The following PGLS variants were observed in gnomAD, a reference collection of about 807,000 sequenced individuals.
PGLS encodes epididymis secretory protein Li 304.
Under a neutral mutation model 23.2 loss-of-function variants are expected in PGLS, and 21 were observed. The ratio of observed to expected loss-of-function variants is 0.91; its 90% CI spans 0.64 to 1.31. The LOEUF is 1.31. Among genes scored for constraint, PGLS ranks in the 50% most tolerant of loss-of-function variants. The probability of loss-of-function intolerance (pLI) is 0.00; values close to 1 mark genes in which losing one functional copy is unlikely to be tolerated. For synonymous variants in PGLS, 179 were observed against 165.4 expected, an observed-to-expected ratio of 1.08 and a Z score of -0.63; for missense variants, 410 against 354.0, an observed-to-expected ratio of 1.16 and a Z score of -1.27.
At position 17,511,652 on chromosome 19, in the gene PGLS, C is replaced by T. The variant is rs1355228506; in HGVS notation, c.-21C>T. 2 of 1,462,050 alleles carry T rather than the reference C, an allele frequency of 1.4e-6. No homozygotes were observed. Among genetic ancestry groups the T allele is most frequent in the South Asian group, 1.3e-5 (1 of 75,526 alleles). The allele number at this position is 1,462,050 out of a possible 1,614,324, so 90.6% of individuals were successfully genotyped here. ...CGACGGCCGTAGGGAGCGCTTCCTCCTCCCCGCCGCCGCCCTCGCCATGGC... is the reference window on the plus strand; with the variant it reads ...CGACGGCCGTAGGGAGCGCTTCCTCTTCCCCGCCGCCGCCCTCGCCATGGC... On this transcript the variant is annotated 5_prime_UTR_variant, in exon 1 of 5. Coordinates refer to ENST00000252603, the MANE Select transcript of PGLS (RefSeq NM_012088.3).
intron 1 of PGLS, 180 bp downstream of exon 1, chr19:17,512,140 T>C (rs1009664486): frequency 1.2e-5 from 8 of 664,232 alleles, no homozygotes; most frequent in Non-Finnish European, 1.9e-5. Flanking sequence ...GCACCTCGGC[T>C]ACGTGGGTCG....
At position 17,521,207 on chromosome 19, in the gene PGLS, C is replaced by T; in HGVS notation, c.*126C>T. 1.0e-6 allele frequency: 1 copy of T among 977,628 alleles called. No individual in the cohort carries two copies. The highest frequency in any genetic ancestry group is 1.5e-6 in the Non-Finnish European group (1 of 679,696). The allele number at this position is 977,628 out of a possible 1,614,324, so 60.6% of individuals were successfully genotyped here. A position where few individuals can be genotyped will look rare whatever the true frequency, so the allele number is the denominator to read the frequency against. ...CGTGCTGCTGCTGGAAGCCAACAGC[C>T]TCCGGCCAGCAGCCCTACCCGGGGC... On this transcript the variant is annotated 3_prime_UTR_variant, in exon 5 of 5. Coordinates refer to ENST00000252603, the MANE Select transcript of PGLS (RefSeq NM_012088.3).
At chr19:17,517,202 T>A (rs2075537413) in intron 2 of PGLS, 86 bp from the exon 3 acceptor site, 1 of 834,502 alleles carries the variant, frequency 1.2e-6, no homozygotes, top group Admixed American at 2.0e-5. Flanking sequence ...TGTATTTTTT[T>A]ATCTGACAAC....
intron 4 of PGLS, chr19:17,518,525 T>G (rs2075543683): frequency 6.6e-6 from 1 of 152,142 alleles, no homozygotes; most frequent in African/African-American, 2.4e-5. Context: ...TTATTTTTTT[T>G]TTGTTTTTTG....
In PGLS at chr19:17,513,484, G is replaced by A. The variant is rs538660989; in HGVS notation, c.288+1524G>A. Among the ~76,000 whole-genome samples, 15 of 149,412 alleles carry A rather than the reference G, an allele frequency of 1.0e-4. No homozygotes were observed. The South Asian group carries it at 3.2e-3, about 32-fold the overall frequency. The stretch of plus-strand genomic sequence containing the variant: ...AGATCATGCCATTACACTCCACCCT[G>A]GGCGACAGAGTGAGACTGTCTTAAA... On this transcript the variant is annotated intron_variant, in intron 1 of 4. Coordinates refer to ENST00000252603, the MANE Select transcript of PGLS (RefSeq NM_012088.3).
intron 4 of PGLS, among the ~76,000 whole-genome samples, chr19:17,520,173 C>A (rs2075550509): frequency 6.6e-6 from 1 of 152,084 alleles, no homozygotes; most frequent in South Asian, 2.1e-4. Context: ...CAAATAGTTA[C>A]AGTGGGCGGG....
chr19:17,511,999 G>A (rs1270462201), intron 1 of PGLS, 39 bp downstream of exon 1: 2 of 1,514,686 alleles, frequency 1.3e-6, no homozygotes, highest in Admixed American at 2.0e-5. Context: ...ACGCCGAGAG[G>A]GCCACAGCCA....
intron 1 of PGLS, chr19:17,515,889 C>T: frequency 6.3e-6 from 2 of 317,324 alleles, no homozygotes; most frequent in Non-Finnish European, 1.2e-5. Context: ...ACCCTCCCGT[C>T]CAGCCCCCCA....
chr19:17,516,374 C>T lies in PGLS; in HGVS notation c.396+94C>T, dbSNP rs773255320. On this transcript the variant is annotated intron_variant, in intron 2 of 4. Transcript: ENST00000252603. ...GCCTTCTGATTGTCACCAGCAGGAA[C>T]TGCCCCAGGGATCACTGGCAGATCC... is the stretch of plus-strand genomic sequence containing the variant. 3.3e-6 allele frequency: 5 copies of T among 1,510,406 alleles called. No individual in the cohort carries two copies. The East Asian group carries it at 7.5e-5, about 23-fold the overall frequency. 93.6% of individuals were successfully genotyped at this position (1,510,406 alleles called of 1,614,324 possible).
At chr19:17,513,991 G>A (rs922802076) in intron 1 of PGLS, among the ~76,000 whole-genome samples, 5 of 152,210 alleles carry the variant, frequency 3.3e-5, no homozygotes, top group African/African-American at 9.6e-5. Context: ...GGCCAAAGCC[G>A]TGTGATGGGA....
In PGLS at chr19:17,511,723, G is replaced by A; in HGVS notation, c.51G>A (p.Glu17=). Residue 17 remains glutamate, a synonymous_variant, in exon 1 of 5, where the codon GAG becomes GAA. Transcript: ENST00000252603. Reference sequence around the variant, plus strand: ...TCTCGGTGTTCTCGAGTTCCCAGGAGCTGGGTGCGGCGCTAGCGCAGCTGG... The same window carrying A: ...TCTCGGTGTTCTCGAGTTCCCAGGAACTGGGTGCGGCGCTAGCGCAGCTGG... ...GLISVFSSSQ[E]LGAALAQLVA... 2 of 1,509,136 alleles carry A rather than the reference G, an allele frequency of 1.3e-6. No individual in the cohort carries two copies. The highest frequency in any genetic ancestry group is 1.8e-6 in the Non-Finnish European group (2 of 1,135,602). 93.5% of individuals were successfully genotyped at this position (1,509,136 alleles called of 1,614,324 possible). A position where few individuals can be genotyped will look rare whatever the true frequency, so the allele number is the denominator to read the frequency against.
intron 4 of PGLS, among the ~76,000 whole-genome samples, chr19:17,520,125 C>T (rs1044855230): frequency 6.6e-6 from 1 of 151,718 alleles, no homozygotes; most frequent in African/African-American, 2.4e-5. Context: ...TGTACTCCAG[C>T]CTGGATGACA....
intron 1 of PGLS, 40 bp downstream of exon 1, chr19:17,512,000 G>T: frequency 6.6e-7 from 1 of 1,512,236 alleles, no homozygotes. Context: ...CGCCGAGAGG[G>T]CCACAGCCAC....
intron 1 of PGLS, 45 bp from the exon 2 acceptor site, chr19:17,516,128 G>T: frequency 7.1e-7 from 1 of 1,413,636 alleles, no homozygotes. Context: ...GAGGATCCAG[G>T]TGGTCACGTT....
chr19:17,516,292 GGA>G lies in PGLS; in HGVS notation c.396+14_396+15del. ...AGAAGCTGAGACAGGTGAGCCCCGA[GGA>G]GCGGCCGCAAGGGAGTCACATCCAC... On this transcript the variant is annotated intron_variant, in intron 2 of 4. Coordinates refer to ENST00000252603, the MANE Select transcript of PGLS (RefSeq NM_012088.3). 1 of 1,611,496 alleles carries G rather than the reference GGA, an allele frequency of 6.2e-7. No homozygotes were observed. Among genetic ancestry groups the G allele is most frequent in the African/African-American group, 1.3e-5 (1 of 74,998 alleles).
intron 4 of PGLS, among the ~76,000 whole-genome samples, chr19:17,518,148 T>C (rs943407967): frequency 1.3e-5 from 2 of 152,084 alleles, no homozygotes; most frequent in Non-Finnish European, 2.9e-5. Context: ...TAAAAAAAAT[T>C]ATTAAGTAGC....
At chr19:17,517,449 C>T in intron 3 of PGLS, 60 bp downstream of exon 3, 6 of 1,358,732 alleles carry the variant, frequency 4.4e-6, no homozygotes, top group Non-Finnish European at 6.2e-6. Flanking sequence ...ACATCTGGGA[C>T]TTCCAGAGGG....
At position 17,511,649 on chromosome 19, in the gene PGLS, C is replaced by G. The variant is rs1015158135; in HGVS notation, c.-24C>G. ...TAGCGACGGCCGTAGGGAGCGCTTCCTCCTCCCCGCCGCCGCCCTCGCCAT... is the reference window on the plus strand; with the variant it reads ...TAGCGACGGCCGTAGGGAGCGCTTCGTCCTCCCCGCCGCCGCCCTCGCCAT... On this transcript the variant is annotated 5_prime_UTR_variant, in exon 1 of 5. Transcript: ENST00000252603. 4 of 1,459,798 alleles carry G rather than the reference C, an allele frequency of 2.7e-6. No homozygotes were observed. In the African/African-American group the frequency reaches 4.5e-5, roughly 16 times the overall value. The allele number at this position is 1,459,798 out of a possible 1,614,324, so 90.4% of individuals were successfully genotyped here.
chr19:17,511,945 G>C lies in PGLS; in HGVS notation c.273G>C (p.Thr91=). The stretch of plus-strand genomic sequence containing the variant: ...TGCCCTTCGATCACGCCGAGAGCAC[G>C]TACGGCCTCTACCGGGTGAGAGCTA... The part of the protein sequence containing the change: ...RLVPFDHAES[T]YGLYRTHLLS... Residue 91 remains threonine (T), a synonymous_variant, in exon 1 of 5, where the codon ACG becomes ACC. Coordinates refer to ENST00000252603, the MANE Select transcript of PGLS (RefSeq NM_012088.3). 5 of 1,549,968 alleles carry C rather than the reference G, an allele frequency of 3.2e-6. No individual in the cohort carries two copies. The highest frequency in any genetic ancestry group is 4.3e-6 in the Non-Finnish European group (5 of 1,149,594).
Sources: gnomAD v4.1 joint callset for allele counts (sites outside exome capture counted in the v4.1 genomes callset) on GRCh38, gnomAD v4.1.1 for gene constraint, MANE v1.5 for transcripts, NCBI Gene and HGNC (gene_info 2026-07-23, HGNC 2026-07-21) for gene names.